LRP5: variants seen among roughly 807,000 people sequenced by gnomAD.
LRP5 encodes low-density lipoprotein receptor-related protein 5.
LRP5 carries 62 observed loss-of-function variants against 154.1 expected under a neutral mutation model. The ratio of observed to expected loss-of-function variants is 0.40; its 90% CI spans 0.33 to 0.50. The LOEUF is 0.50. LRP5 is among the 20% of genes least tolerant of loss of function. LRP5 has a pLI of 0.55. For synonymous variants in LRP5, 966 were observed against 1,011.5 expected (o/e 0.96, Z 0.85); for missense variants, 1,915 against 2,336.7 (o/e 0.82, Z 3.72).
Position 68,438,573 on chromosome 11 carries a change from G to A in LRP5, c.4239G>A (p.Gln1413=). 1 of 1,614,140 alleles carries A rather than the reference G, an allele frequency of 6.2e-7. No homozygotes were observed. The highest frequency in any genetic ancestry group is 1.3e-5 in the African/African-American group (1 of 75,078). Residue 1413 remains glutamine, a synonymous_variant, in exon 20 of 23, where the codon CAG becomes CAA. Coordinates refer to ENST00000294304, the MANE Select transcript of LRP5 (RefSeq NM_002335.4). ...VYFVCQRVVC[Q]RYAGANGPFP... ...TTGTGTGCCAGCGCGTGGTGTGCCA[G>A]CGCTATGCGGGGGCCAACGGGCCCT...
chr11:68,373,918 G>A (rs1022785989), intron 5 of LRP5, among the ~76,000 whole-genome samples: 10 of 152,102 alleles, frequency 6.6e-5, no homozygotes, highest in South Asian at 2.1e-4. Flanking sequence ...TGGGCTTAGC[G>A]GCGTGCACCA....
chr11:68,370,950 A>G (rs2153143364), intron 5 of LRP5, among the ~76,000 whole-genome samples: 1 of 152,276 alleles, frequency 6.6e-6, no homozygotes, highest in Non-Finnish European at 1.5e-5. Context: ...CTGGTTTTGC[A>G]TGAGGACGTG....
chr11:68,369,158 T>C (rs2098632715), intron 5 of LRP5, among the ~76,000 whole-genome samples: 1 of 152,178 alleles, frequency 6.6e-6, no homozygotes, highest in African/African-American at 2.4e-5. Flanking sequence ...CAATATCTTA[T>C]CAAGACATGT....
intron 1 of LRP5, among the ~76,000 whole-genome samples, chr11:68,325,362 A>C (rs1312842382): frequency 2.0e-5 from 3 of 152,000 alleles, no homozygotes; most frequent in Non-Finnish European, 4.4e-5. Context: ...AGAGGGATGC[A>C]CTCAGTCGAA....
intron 10 of LRP5, among the ~76,000 whole-genome samples, 153 bp downstream of exon 10, chr11:68,410,293 G>C (rs1272550987): frequency 6.6e-6 from 1 of 152,192 alleles, no homozygotes; most frequent in African/African-American, 2.4e-5. Context: ...AGGACTGGTA[G>C]GGCCCTCAGA....
chr11:68,415,530 G>C (rs949854968), intron 12 of LRP5, among the ~76,000 whole-genome samples: 10 of 152,076 alleles, frequency 6.6e-5, no homozygotes, highest in African/African-American at 2.2e-4. Flanking sequence ...CAGATCACCT[G>C]AGGTCAGGAG....
intron 7 of LRP5, among the ~76,000 whole-genome samples, chr11:68,398,902 T>TA (rs1258540057): frequency 6.6e-6 from 1 of 151,632 alleles, no homozygotes; most frequent in Non-Finnish European, 1.5e-5. Flanking sequence ...GCCCGGCTAA[T>TA]TTTTTTTTAA....
rs540291726 is a variant in LRP5 at position 68,347,956 on chromosome 11, A to C, written c.201A>C (p.Ala67=). 2.5e-6 allele frequency: 4 copies of C among 1,614,124 alleles called. No homozygotes were observed. In the South Asian group the frequency reaches 4.4e-5, roughly 18 times the overall value. ...TCAGCGGCCTGGAGGATGCGGCCGCAGTGGACTTCCAGTTTTCCAAGGGAG... is the reference window on the plus strand; with the variant it reads ...TCAGCGGCCTGGAGGATGCGGCCGCCGTGGACTTCCAGTTTTCCAAGGGAG... The part of the protein sequence containing the change: ...IVVSGLEDAA[A]VDFQFSKGAV... Residue 67 remains alanine (A), a synonymous_variant, in exon 2 of 23, where the codon GCA becomes GCC. Transcript: ENST00000294304.
chr11:68,361,924 A>G (rs1189502880), intron 3 of LRP5, among the ~76,000 whole-genome samples: 4 of 152,264 alleles, frequency 2.6e-5, no homozygotes, highest in Non-Finnish European at 5.9e-5. Flanking sequence ...TCCTAGCTGT[A>G]TACTCTTAAG....
chr11:68,372,046 G>A (rs560073659), intron 5 of LRP5, among the ~76,000 whole-genome samples: 1 of 152,358 alleles, frequency 6.6e-6, no homozygotes, highest in East Asian at 1.9e-4. Flanking sequence ...TAGCGGAAAC[G>A]CAGGTAACGA....
At chr11:68,440,702 G>GC (rs1249582134) in intron 21 of LRP5, among the ~76,000 whole-genome samples, 1 of 152,130 alleles carries the variant, frequency 6.6e-6, no homozygotes, top group East Asian at 1.9e-4. Context: ...GCCCCACCTT[G>GC]CTGGGGCTGG....
intron 5 of LRP5, among the ~76,000 whole-genome samples, chr11:68,374,712 T>G (rs750387372): frequency 3.3e-5 from 5 of 152,104 alleles, no homozygotes; most frequent in Non-Finnish European, 4.4e-5. Context: ...TCTCCTGACT[T>G]CTATCACCTT....
intron 7 of LRP5, among the ~76,000 whole-genome samples, chr11:68,394,948 C>T (rs1382061364): frequency 6.6e-6 from 1 of 152,110 alleles, no homozygotes; most frequent in East Asian, 1.9e-4. Flanking sequence ...CAAAATGGGC[C>T]AGGGAGAGAC....
chr11:68,408,328 C>T (rs915595087), intron 9 of LRP5, among the ~76,000 whole-genome samples: 3 of 149,916 alleles, frequency 2.0e-5, no homozygotes, highest in Non-Finnish European at 4.4e-5. Context: ...CTCAAACACC[C>T]ACCTCAGCCT....
chr11:68,421,796 G>GGTGT (rs368616925), intron 13 of LRP5, among the ~76,000 whole-genome samples: 1 of 109,186 alleles, frequency 9.2e-6, no homozygotes, highest in Non-Finnish European at 1.8e-5. Context: ...GTGTGTGTGG[G>GGTGT]GTGTGTGTGT....
intron 15 of LRP5, 133 bp from the exon 16 acceptor site, chr11:68,425,845 C>A: frequency 1.3e-6 from 1 of 787,544 alleles, no homozygotes. Flanking sequence ...TCTGCTGCAG[C>A]TCCCACCCCT....
chr11:68,443,593 T>A (rs1196238428), intron 21 of LRP5, among the ~76,000 whole-genome samples: 264 of 112,184 alleles, frequency 2.4e-3, no homozygotes, highest in East Asian at 0.016. Context: ...ATATTTTTTT[T>A]TTTTTTGGTT....
intron 13 of LRP5, among the ~76,000 whole-genome samples, chr11:68,418,309 G>A (rs1183513822): frequency 2.0e-5 from 3 of 152,046 alleles, no homozygotes; most frequent in Non-Finnish European, 4.4e-5. Context: ...GGAGGCTGAG[G>A]CAGAATTGCT....
chr11:68,304,503 T>C, the LRP5 span, among the ~76,000 whole-genome samples: 2 of 152,228 alleles, frequency 1.3e-5, no homozygotes, highest in East Asian at 3.8e-4. Flanking sequence ...GAGTCCCCAC[T>C]GGGACAATGC....
Sources: gnomAD v4.1 joint callset for allele counts (sites outside exome capture counted in the v4.1 genomes callset) on GRCh38, gnomAD v4.1.1 for gene constraint, MANE v1.5 for transcripts, NCBI Gene and HGNC (gene_info 2026-07-23, HGNC 2026-07-21) for gene names.